TBC1D22A: variants seen among roughly 807,000 people sequenced by gnomAD.
The protein encoded by TBC1D22A is putative GTPase activator.
A neutral mutation model predicts 60.2 loss-of-function variants in TBC1D22A; 38 were observed. The ratio of observed to expected loss-of-function variants is 0.63; its 90% CI spans 0.49 to 0.83. The LOEUF is 0.83. Ranked by LOEUF, TBC1D22A falls within the 40% of genes least tolerant of loss-of-function variation. The probability of loss-of-function intolerance (pLI) is 0.00; values close to 1 mark genes in which losing one functional copy is unlikely to be tolerated. For missense variants in TBC1D22A, 628 were observed against 701.0 expected (o/e 0.90, Z 1.18); for synonymous variants, 302 against 281.7 (o/e 1.07, Z -0.72).
chr22:47,012,511 A>T (rs1459855714), intron 10 of TBC1D22A, among the ~76,000 whole-genome samples: 1 of 152,148 alleles, frequency 6.6e-6, no homozygotes, highest in African/African-American at 2.4e-5. Context: ...GTGCTTTGGA[A>T]GAGGGGTATG....
intron 10 of TBC1D22A, among the ~76,000 whole-genome samples, chr22:46,998,569 C>G (rs1474044642): frequency 6.6e-6 from 1 of 152,266 alleles, no homozygotes; most frequent in Non-Finnish European, 1.5e-5. Flanking sequence ...CGTTGCCGGT[C>G]ACTGTGCCTT....
At chr22:47,149,101 C>T (rs936630612) in intron 12 of TBC1D22A, among the ~76,000 whole-genome samples, 17 of 152,140 alleles carry the variant, frequency 1.1e-4, no homozygotes, top group East Asian at 1.9e-4. Context: ...CACTGGCCGC[C>T]GAGTGATTGG....
At chr22:46,918,761 G>T (rs766137040) in intron 8 of TBC1D22A, among the ~76,000 whole-genome samples, 28 of 152,352 alleles carry the variant, frequency 1.8e-4, no homozygotes, top group Admixed American at 2.0e-4. Flanking sequence ...ATGGGGGCCT[G>T]AATGTTTCTG....
intron 11 of TBC1D22A, among the ~76,000 whole-genome samples, chr22:47,110,695 A>T (rs1411075617): frequency 2.0e-5 from 3 of 152,164 alleles, no homozygotes; most frequent in African/African-American, 7.2e-5. Context: ...AACCACTGAC[A>T]GTAGTCCTAT....
At chr22:46,782,276 A>G (rs2083973520) in intron 1 of TBC1D22A, among the ~76,000 whole-genome samples, 1 of 152,184 alleles carries the variant, frequency 6.6e-6, no homozygotes, top group South Asian at 2.1e-4. Flanking sequence ...GATGGTCTCC[A>G]TCTCTTGACC....
chr22:47,087,511 T>A (rs1381306745), intron 11 of TBC1D22A, among the ~76,000 whole-genome samples: 1 of 152,218 alleles, frequency 6.6e-6, no homozygotes, highest in Non-Finnish European at 1.5e-5. Flanking sequence ...GCAATTTGAA[T>A]GTACAGCCCC....
At chr22:47,172,353 G>T (rs540829988) in intron 12 of TBC1D22A, among the ~76,000 whole-genome samples, 3 of 152,182 alleles carry the variant, frequency 2.0e-5, no homozygotes, top group Admixed American at 6.5e-5. Flanking sequence ...ATAAAAATTT[G>T]TACTATGTGA....
chr22:47,011,488 T>C lies in TBC1D22A; in HGVS notation c.1201+13779T>C, dbSNP rs549381643. Among the ~76,000 whole-genome samples, 124 of 152,338 alleles carry C rather than the reference T, an allele frequency of 8.1e-4. 3 individuals carry two copies. The South Asian group carries it at 0.025, about 31-fold the overall frequency. On this transcript the variant is annotated intron_variant, in intron 10 of 12. Transcript: ENST00000337137. Reference sequence around the variant, plus strand: ...TGGCTTCGACCACATGCCTACATTTTCATCCCGATGTTCCCCATAACCAAT... The same window carrying C: ...TGGCTTCGACCACATGCCTACATTTCCATCCCGATGTTCCCCATAACCAAT...
chr22:46,914,810 G>C (rs570912658), intron 8 of TBC1D22A: 2 of 155,686 alleles, frequency 1.3e-5, no homozygotes, highest in African/African-American at 4.8e-5. Context: ...TGGAGTTTGT[G>C]GTTGTAGCAC....
intron 8 of TBC1D22A, among the ~76,000 whole-genome samples, chr22:46,933,231 A>G (rs2071454711): frequency 6.6e-6 from 1 of 152,216 alleles, no homozygotes; most frequent in African/African-American, 2.4e-5. Flanking sequence ...CACTTTCTCC[A>G]AATAAACAAA....
chr22:47,010,157 C>T (rs1602978696), intron 10 of TBC1D22A, among the ~76,000 whole-genome samples: 3 of 152,172 alleles, frequency 2.0e-5, no homozygotes, highest in Non-Finnish European at 4.4e-5. Flanking sequence ...TTGACTACCT[C>T]GTAAGGTTAA....
intron 11 of TBC1D22A, among the ~76,000 whole-genome samples, chr22:47,051,505 G>C (rs538408939): frequency 2.8e-4 from 42 of 152,284 alleles, no homozygotes; most frequent in Admixed American, 1.9e-3. Context: ...GGGTGGCTTC[G>C]GGAGCCGGGA....
chr22:47,111,318 A>G (rs2065837861), intron 11 of TBC1D22A, among the ~76,000 whole-genome samples, 190 bp from the exon 12 acceptor site: 1 of 152,234 alleles, frequency 6.6e-6, no homozygotes, highest in Non-Finnish European at 1.5e-5. Context: ...TGGAACTTAA[A>G]GAGAAAATGG....
chr22:46,885,193 A>ATGT (rs1326913490), intron 5 of TBC1D22A, among the ~76,000 whole-genome samples: 3 of 152,088 alleles, frequency 2.0e-5, no homozygotes, highest in African/African-American at 7.2e-5. Context: ...GGGTGAATGA[A>ATGT]TGTTGTTGTT....
rs1242518801 is a variant in TBC1D22A, at chr22:47,048,365, G to T, written c.1329+11167G>T. The stretch of plus-strand genomic sequence containing the variant: ...TCCAGCCTGAGGTCGGGAGGTGGAG[G>T]ACGCGTCACCTTCCAGGACAGGGTG... On this transcript the variant is annotated intron_variant, in intron 11 of 12. Transcript: ENST00000337137. Among the ~76,000 whole-genome samples, 4 of 152,120 alleles carry T rather than the reference G, an allele frequency of 2.6e-5. No homozygotes were observed. In the East Asian group the frequency reaches 7.7e-4, roughly 29 times the overall value.
intron 12 of TBC1D22A, among the ~76,000 whole-genome samples, chr22:47,136,607 G>A (rs914702899): frequency 2.6e-5 from 2 of 77,052 alleles, no homozygotes; most frequent in African/African-American, 8.2e-5. Context: ...AGCCAACCCT[G>A]GGCCATGTGG....
chr22:46,908,360 A>G (rs1232724955), intron 7 of TBC1D22A, among the ~76,000 whole-genome samples: 1 of 152,170 alleles, frequency 6.6e-6, no homozygotes, highest in Non-Finnish European at 1.5e-5. Context: ...GTGCCCTAAA[A>G]GCCTGTGCCT....
chr22:47,168,949 T>C (rs908206382), intron 12 of TBC1D22A, among the ~76,000 whole-genome samples: 5 of 152,164 alleles, frequency 3.3e-5, no homozygotes, highest in South Asian at 2.1e-4. Context: ...AGCCTCAGCA[T>C]TGGGAGCCTC....
At chr22:47,091,591 G>T (rs1041847051) in intron 11 of TBC1D22A, among the ~76,000 whole-genome samples, 3 of 151,734 alleles carry the variant, frequency 2.0e-5, no homozygotes, top group Admixed American at 6.6e-5. Flanking sequence ...ATAGAGACAG[G>T]CACGATAAGT....
Sources: allele counts gnomAD v4.1 joint callset (sites outside exome capture counted in the v4.1 genomes callset), GRCh38; gene constraint gnomAD v4.1.1; transcripts MANE v1.5; gene names NCBI Gene and HGNC (gene_info 2026-07-23, HGNC 2026-07-21).